MMD: variants seen among roughly 807,000 people sequenced by gnomAD.
MMD encodes monocyte to macrophage differentiation factor.
MMD carries 22 observed loss-of-function variants against 33.6 expected under a neutral mutation model. The ratio of observed to expected loss-of-function variants is 0.66; its 90% CI spans 0.47 to 0.94. MMD has a LOEUF of 0.94. Among genes scored for constraint, MMD ranks in the 40% least tolerant of loss-of-function variants. MMD has a pLI of 0.00. For missense variants in MMD, 242 were observed against 309.8 expected (o/e 0.78, Z 1.64); for synonymous variants, 97 against 103.2 (o/e 0.94, Z 0.36).
intron 4 of MMD, among the ~76,000 whole-genome samples, chr17:55,406,722 C>CA (rs1317904315): frequency 1.3e-5 from 2 of 151,710 alleles, no homozygotes; most frequent in Non-Finnish European, 2.9e-5. Context: ...CTATCTCCAC[C>CA]AAAAAATACA....
At position 55,403,863 on chromosome 17, in the gene MMD, T is replaced by C; in HGVS notation, c.350A>G (p.Asn117Ser). The C allele has an allele frequency of 6.2e-7, 1 of 1,611,786 alleles. No homozygotes were observed. Among genetic ancestry groups the C allele is most frequent in the South Asian group, 1.1e-5 (1 of 90,796 alleles). The change falls in exon 5 of 7, where the codon AAT (asparagine) becomes AGT (serine). Residue 117 changes from asparagine (N) to serine (S), a missense_variant. Physicochemically the swap from Asn to Ser is conservative, Grantham distance 46 (BLOSUM62 1). Transcript: ENST00000262065. Reference protein sequence around the residue: ...FIAASYAPWLNLRELGPLASH... With the variant: ...FIAASYAPWLSLRELGPLASH... ...TGCCAGGGGTCCAAGTTCACGAAGA[T>C]TTAACCTAAAAATGTAAACGTGACA...
At position 55,394,858 on chromosome 17, in the gene MMD, G is replaced by A. The variant is rs78554539; in HGVS notation, c.517-324C>T. Among the ~76,000 whole-genome samples the A allele has an allele frequency of 6.2e-4, 94 of 152,318 alleles. No individual in the cohort carries two copies. The East Asian group carries it at 0.014, about 23-fold the overall frequency. On this transcript the variant is annotated intron_variant, in intron 6 of 6. Transcript: ENST00000262065. ...ACATGGGAGTTCATTTTAATAAAGT[G>A]CAATCCTCTGTTCTCATCTTCCCCT...
chr17:55,394,388 G>A lies in MMD; in HGVS notation c.663C>T (p.Tyr221=), dbSNP rs755625718. Residue 221 remains tyrosine, a synonymous_variant, in exon 7 of 7, where the codon TAC becomes TAT. Transcript: ENST00000262065. ...TTCGGTAAAGGTATTTCCAAATGGC[G>A]TAGTAATGCACTGCAGCTGCCGTGG... ...FVATAAAVHY[Y]AIWKYLYRSP... is the part of the protein sequence containing the mutation. 1.1e-5 allele frequency: 16 copies of A among 1,465,662 alleles called. No homozygotes were observed. Among genetic ancestry groups the A allele is most frequent in the Admixed American group, 2.7e-5 (1 of 36,840 alleles). 90.8% of individuals were successfully genotyped at this position (1,465,662 alleles called of 1,614,324 possible). A position where few individuals can be genotyped will look rare whatever the true frequency, so the allele number is the denominator to read the frequency against.
chr17:55,408,682 G>T (rs1001280883), intron 3 of MMD, among the ~76,000 whole-genome samples: 1 of 152,156 alleles, frequency 6.6e-6, no homozygotes, highest in Non-Finnish European at 1.5e-5. Context: ...AAATAATAAA[G>T]ACTTGTGTGA....
chr17:55,409,813 G>A (rs2143145488), intron 3 of MMD, among the ~76,000 whole-genome samples: 1 of 152,306 alleles, frequency 6.6e-6, no homozygotes, highest in South Asian at 2.1e-4. Flanking sequence ...TCGAAGCCAA[G>A]TTTGCTGAAA....
At chr17:55,419,260 T>C (rs1908084353) in intron 1 of MMD, among the ~76,000 whole-genome samples, 1 of 152,236 alleles carries the variant, frequency 6.6e-6, no homozygotes, top group Non-Finnish European at 1.5e-5. Flanking sequence ...TTAGCAGTTA[T>C]TGCCATCAAT....
At chr17:55,397,316 C>A (rs1907138748) in intron 6 of MMD, among the ~76,000 whole-genome samples, 2 of 151,904 alleles carry the variant, frequency 1.3e-5, no homozygotes, top group South Asian at 4.2e-4. Flanking sequence ...TGCCCACCAC[C>A]ACGCCCAGCT....
intron 4 of MMD, 67 bp from the exon 5 acceptor site, chr17:55,403,935 C>A: frequency 8.1e-7 from 1 of 1,239,236 alleles, no homozygotes; most frequent in South Asian, 1.3e-5. Context: ...GAACCTGTGT[C>A]ATTGAAAACT....
intron 6 of MMD, among the ~76,000 whole-genome samples, chr17:55,397,837 G>A (rs1907166103): frequency 6.6e-6 from 1 of 151,916 alleles, no homozygotes; most frequent in South Asian, 2.1e-4. Context: ...CACAGCACCC[G>A]GACCCTTTCA....
chr17:55,401,143 T>C (rs955936687), intron 6 of MMD, among the ~76,000 whole-genome samples: 1 of 152,068 alleles, frequency 6.6e-6, no homozygotes, highest in African/African-American at 2.4e-5. Context: ...AGCTTACGAG[T>C]TGCTGGCACA....
At chr17:55,421,580 G>A (rs1304960222) in intron 1 of MMD, 90 bp downstream of exon 1, 2 of 1,551,996 alleles carry the variant, frequency 1.3e-6, no homozygotes, top group Non-Finnish European at 1.8e-6. Context: ...GATGAATCCA[G>A]GTGAGGAGCC....
chr17:55,395,616 G>A (rs1198703667), intron 6 of MMD, among the ~76,000 whole-genome samples: 1 of 152,230 alleles, frequency 6.6e-6, no homozygotes, highest in African/African-American at 2.4e-5. Context: ...CCAGCTGTGA[G>A]CTTCAGTCCT....
At chr17:55,414,115 T>G in intron 2 of MMD, 36 bp downstream of exon 2, 2 of 1,592,958 alleles carry the variant, frequency 1.3e-6, no homozygotes, top group Non-Finnish European at 1.7e-6. Flanking sequence ...CAAAGCCCCG[T>G]GGAAAGGATG....
intron 4 of MMD, among the ~76,000 whole-genome samples, chr17:55,406,567 CA>C (rs1186803654): frequency 6.6e-6 from 1 of 151,066 alleles, no homozygotes; most frequent in Middle Eastern, 3.2e-3. Flanking sequence ...GACTCTGTCT[CA>C]AAACAAACAA....
At chr17:55,401,200 C>T (rs1907315423) in intron 6 of MMD, among the ~76,000 whole-genome samples, 1 of 152,126 alleles carries the variant, frequency 6.6e-6, no homozygotes, top group Non-Finnish European at 1.5e-5. Flanking sequence ...CGCTCTGTTC[C>T]TCAGGCTGTA....
intron 6 of MMD, among the ~76,000 whole-genome samples, chr17:55,395,284 G>A (rs1907057599): frequency 6.6e-6 from 1 of 152,236 alleles, no homozygotes. Context: ...TTGTATGAAT[G>A]AGGAGAGAGA....
intron 4 of MMD, 119 bp from the exon 5 acceptor site, chr17:55,403,987 C>A: frequency 1.3e-6 from 1 of 747,732 alleles, no homozygotes; most frequent in East Asian, 2.8e-5. Flanking sequence ...ACACACTCAA[C>A]ACATCAAGCA....
chr17:55,419,333 G>C (rs1908087513), intron 1 of MMD, among the ~76,000 whole-genome samples: 2 of 152,202 alleles, frequency 1.3e-5, no homozygotes, highest in Non-Finnish European at 2.9e-5. Context: ...AGGTATCTTG[G>C]GGATACTCAA....
rs1487828804 is a variant in MMD, at chr17:55,411,331, A to G, written c.195T>C (p.Tyr65=). 2 of 1,614,010 alleles carry G rather than the reference A, an allele frequency of 1.2e-6. No homozygotes were observed. Among genetic ancestry groups the G allele is most frequent in the Non-Finnish European group, 1.7e-6 (2 of 1,180,008 alleles). ...DCWEKITAWI[Y]GMGLCALFIV... ...TGAAGAGGGCACAGAGTCCCATTCCATAAATCCATGCTGTTATCTTTTCCC... is the reference window on the plus strand; with the variant it reads ...TGAAGAGGGCACAGAGTCCCATTCCGTAAATCCATGCTGTTATCTTTTCCC... The change falls in exon 3 of 7, where the codon TAT becomes TAC. Residue 65 remains tyrosine, a synonymous_variant. Transcript: ENST00000262065.
Sources: gnomAD v4.1 joint callset for allele counts (sites outside exome capture counted in the v4.1 genomes callset) on GRCh38, gnomAD v4.1.1 for gene constraint, MANE v1.5 for transcripts, NCBI Gene and HGNC (gene_info 2026-07-23, HGNC 2026-07-21) for gene names.